Variants in XKR4 observed in about 807,000 individuals in gnomAD.
The protein encoded by XKR4 is XK-related protein 4.
In XKR4, 12 loss-of-function variants were observed where a neutral mutation model predicts 53.9. That is an observed-to-expected ratio of 0.22 (90% CI 0.14 to 0.36). The LOEUF (loss-of-function observed/expected upper bound fraction) is 0.36, where lower values mean the gene tolerates loss of function less well. Among genes scored for constraint, XKR4 ranks in the 10% least tolerant of loss-of-function variants. XKR4 has a pLI of 1.00. For missense variants in XKR4, 799 were observed against 859.5 expected, an observed-to-expected ratio of 0.93 and a Z score of 0.88; for synonymous variants, 354 against 362.4, an observed-to-expected ratio of 0.98 and a Z score of 0.26.
intron 2 of XKR4, among the ~76,000 whole-genome samples, chr8:55,395,180 G>A (rs1321439330): frequency 6.6e-6 from 1 of 152,042 alleles, no homozygotes; most frequent in Non-Finnish European, 1.5e-5. Context: ...TTTGGGAGAA[G>A]GAAAGGAAAG....
intron 2 of XKR4, among the ~76,000 whole-genome samples, chr8:55,485,164 T>G (rs1474971768): frequency 6.6e-6 from 1 of 152,236 alleles, no homozygotes; most frequent in African/African-American, 2.4e-5. Flanking sequence ...ACTTTATGAT[T>G]GAAGACTATA....
intron 1 of XKR4, among the ~76,000 whole-genome samples, chr8:55,240,906 G>C (rs1818201400): frequency 6.6e-6 from 1 of 152,170 alleles, no homozygotes; most frequent in South Asian, 2.1e-4. Flanking sequence ...TTATACTCTG[G>C]TTTGTAGGAA....
chr8:55,405,246 G>T (rs1464880951), intron 2 of XKR4, among the ~76,000 whole-genome samples: 3 of 152,154 alleles, frequency 2.0e-5, no homozygotes, highest in Non-Finnish European at 4.4e-5. Flanking sequence ...GAAGAATCAG[G>T]CCTGGCAGCC....
intron 2 of XKR4, among the ~76,000 whole-genome samples, chr8:55,435,706 C>T (rs1232315852): frequency 6.7e-6 from 1 of 149,250 alleles, no homozygotes; most frequent in East Asian, 2.0e-4. Flanking sequence ...AATAGTGGGA[C>T]CCCAGGCATA....
chr8:55,166,769 C>A (rs528841520), intron 1 of XKR4, among the ~76,000 whole-genome samples: 1 of 152,092 alleles, frequency 6.6e-6, no homozygotes, highest in Non-Finnish European at 1.5e-5. Flanking sequence ...GCAAGAAGGT[C>A]AATGTGTCTG....
chr8:55,176,474 T>C (rs1272287134), intron 1 of XKR4, among the ~76,000 whole-genome samples: 1 of 152,182 alleles, frequency 6.6e-6, no homozygotes, highest in Non-Finnish European at 1.5e-5. Context: ...TGTGTGTGTG[T>C]GCATATGTAG....
chr8:55,202,862 G>A (rs1201230685), intron 1 of XKR4, among the ~76,000 whole-genome samples: 1 of 152,166 alleles, frequency 6.6e-6, no homozygotes, highest in Non-Finnish European at 1.5e-5. Context: ...TAGACATGGA[G>A]ATTTCCAAGC....
intron 2 of XKR4, among the ~76,000 whole-genome samples, chr8:55,413,732 G>T (rs534009886): frequency 6.6e-6 from 1 of 152,100 alleles, no homozygotes; most frequent in Non-Finnish European, 1.5e-5. Context: ...CCACTCAAGC[G>T]ATATTGATGT....
intron 1 of XKR4, among the ~76,000 whole-genome samples, chr8:55,190,037 G>A (rs1427327276): frequency 1.3e-5 from 2 of 152,230 alleles, no homozygotes; most frequent in Non-Finnish European, 1.5e-5. Flanking sequence ...CCTACCGGGA[G>A]TATATTGCTA....
intron 1 of XKR4, among the ~76,000 whole-genome samples, chr8:55,134,893 A>T (rs1487794677): frequency 6.6e-6 from 1 of 152,314 alleles, no homozygotes; most frequent in East Asian, 1.9e-4. Context: ...ATAAGCAGAC[A>T]GAGAATATGG....
chr8:55,129,225 G>C (rs1270933471), intron 1 of XKR4, among the ~76,000 whole-genome samples: 1 of 152,146 alleles, frequency 6.6e-6, no homozygotes, highest in Admixed American at 6.5e-5. Flanking sequence ...TACAAGGCTG[G>C]TTACCCATAC....
chr8:55,332,497 A>C (rs995719771), intron 1 of XKR4, among the ~76,000 whole-genome samples: 2 of 151,970 alleles, frequency 1.3e-5, no homozygotes, highest in Admixed American at 1.3e-4. Context: ...AGTTGCAAGG[A>C]ACTTCTTCAG....
At chr8:55,270,596 G>A (rs1035213903) in intron 1 of XKR4, among the ~76,000 whole-genome samples, 1 of 152,144 alleles carries the variant, frequency 6.6e-6, no homozygotes, top group Non-Finnish European at 1.5e-5. Flanking sequence ...AACATTACAG[G>A]TACTTATGCA....
At chr8:55,452,648 G>A (rs1805472032) in intron 2 of XKR4, 7 of 1,424,858 alleles carry the variant, frequency 4.9e-6, no homozygotes, top group Non-Finnish European at 6.9e-6. Flanking sequence ...GCCCCTTGAG[G>A]TGGTCACTGG....
intron 2 of XKR4, among the ~76,000 whole-genome samples, chr8:55,382,025 C>T (rs1430529452): frequency 2.0e-5 from 3 of 152,116 alleles, no homozygotes. Context: ...TAAAGCTTCT[C>T]CCAAAAAATT....
intron 2 of XKR4, among the ~76,000 whole-genome samples, chr8:55,477,269 C>G (rs931274921): frequency 6.6e-6 from 1 of 152,120 alleles, no homozygotes; most frequent in African/African-American, 2.4e-5. Flanking sequence ...GTTCTGCAGC[C>G]ACCACTGCTG....
At chr8:55,291,884 T>A (rs1176779178) in intron 1 of XKR4, among the ~76,000 whole-genome samples, 1 of 152,170 alleles carries the variant, frequency 6.6e-6, no homozygotes, top group Non-Finnish European at 1.5e-5. Flanking sequence ...AGGTATTTTT[T>A]AAAATCATAA....
At chr8:55,389,652 C>A (rs1804416625) in intron 2 of XKR4, among the ~76,000 whole-genome samples, 1 of 152,130 alleles carries the variant, frequency 6.6e-6, no homozygotes, top group South Asian at 2.1e-4. Context: ...TCTCCTGTAG[C>A]CTCTACTCCA....
chr8:55,103,108 C>T lies in XKR4; in HGVS notation c.620C>T (p.Ala207Val). 2 of 1,613,356 alleles carry T rather than the reference C, an allele frequency of 1.2e-6. No individual in the cohort carries two copies. Among genetic ancestry groups the T allele is most frequent in the Middle Eastern group, 3.3e-4 (2 of 6,060 alleles). ...GGGSAAGEGE[A>V]RPSTPQRQAS... ...GGGTCTGCAGCCGGGGAAGGCGAGGCTCGTCCTTCCACGCCGCAAAGGCAA... is the reference window on the plus strand; with the variant it reads ...GGGTCTGCAGCCGGGGAAGGCGAGGTTCGTCCTTCCACGCCGCAAAGGCAA... The change falls in exon 1 of 3, where the codon GCT becomes GTT. Residue 207 changes from alanine (A) to valine (V), a missense_variant. By Grantham distance (64) the Ala-to-Val change is moderately conservative. Transcript: ENST00000327381.
Sources: allele counts gnomAD v4.1 joint callset (sites outside exome capture counted in the v4.1 genomes callset), GRCh38; gene constraint gnomAD v4.1.1; transcripts MANE v1.5; gene names NCBI Gene and HGNC (gene_info 2026-07-23, HGNC 2026-07-21).